TXNDC12: variants seen among roughly 807,000 people sequenced by gnomAD.
TXNDC12 encodes the protein thioredoxin domain containing 12, also known as thioredoxin domain-containing protein 12.
A neutral mutation model predicts 24.2 loss-of-function variants in TXNDC12; 22 were observed. The ratio of observed to expected loss-of-function variants is 0.91; its 90% CI spans 0.65 to 1.30. The LOEUF is 1.30. Among genes scored for constraint, TXNDC12 ranks in the 50% most tolerant of loss-of-function variants. The pLI, the probability that TXNDC12 is intolerant of heterozygous loss-of-function variation, is 0.00. For missense variants in TXNDC12, 184 were observed against 205.8 expected, an observed-to-expected ratio of 0.89 and a Z score of 0.65; for synonymous variants, 58 against 73.4, an observed-to-expected ratio of 0.79 and a Z score of 1.07.
intron 1 of TXNDC12, among the ~76,000 whole-genome samples, chr1:52,047,194 A>G (rs1686111564): frequency 6.6e-6 from 1 of 152,166 alleles, no homozygotes; most frequent in Admixed American, 6.5e-5. Context: ...TTTAGCACTC[A>G]AGTAGAGGGA....
chr1:52,021,079 A>T (rs1447168936), intron 6 of TXNDC12, 67 bp from the exon 7 acceptor site: 1 of 1,141,662 alleles, frequency 8.8e-7, no homozygotes, highest in Non-Finnish European at 1.3e-6. Context: ...CAACCAATGT[A>T]CACTTTTAAA....
chr1:52,055,250 G>A (rs1686316769), upstream of TXNDC12: 2 of 616,320 alleles, frequency 3.2e-6, no homozygotes, highest in Non-Finnish European at 5.9e-6. Flanking sequence ...TTAGACGGAT[G>A]TGGGTGGTGC....
intron 2 of TXNDC12, among the ~76,000 whole-genome samples, chr1:52,035,966 G>A (rs1325012832): frequency 2.6e-5 from 4 of 152,192 alleles, no homozygotes; most frequent in East Asian, 1.9e-4. Flanking sequence ...TAGAAAAAAC[G>A]GTGCCTTACT....
upstream of TXNDC12, chr1:52,055,311 G>C: frequency 1.9e-6 from 1 of 530,906 alleles, no homozygotes; most frequent in South Asian, 2.0e-5. Context: ...AGATCACGTA[G>C]AAGGGTACGA....
At chr1:52,053,636 C>T (rs1209936279) in intron 1 of TXNDC12, among the ~76,000 whole-genome samples, 1 of 152,116 alleles carries the variant, frequency 6.6e-6, no homozygotes, top group South Asian at 2.1e-4. Flanking sequence ...TGGACTCCAG[C>T]CCGAGCAACA....
chr1:52,055,033 T>C lies in TXNDC12; in HGVS notation c.64A>G (p.Ile22Val), dbSNP rs1392465941. The stretch of plus-strand genomic sequence containing the variant: ...AGCCCATTATGTCCATCAGAAGAGA[T>C]GACGAGGAGCAGGAAACTGAAGCCC... ...LLGFSFLLLV[I>V]SSDGHNGLGK... The change falls in exon 1 of 7, where the codon ATC (isoleucine) becomes GTC (valine). Residue 22 changes from isoleucine to valine, a missense_variant. Coordinates refer to ENST00000371626, the MANE Select transcript of TXNDC12 (RefSeq NM_015913.4). The C allele has an allele frequency of 1.5e-5, 24 of 1,613,838 alleles. No individual in the cohort carries two copies. Among genetic ancestry groups the C allele is most frequent in the East Asian group, 4.5e-5 (2 of 44,880 alleles).
chr1:52,054,443 C>G (rs1405340406), intron 1 of TXNDC12, among the ~76,000 whole-genome samples: 4 of 151,916 alleles, frequency 2.6e-5, no homozygotes, highest in African/African-American at 9.7e-5. Flanking sequence ...AAAAAAACTT[C>G]GCTGAACCAC....
At chr1:52,051,132 C>T (rs1276658564) in intron 1 of TXNDC12, among the ~76,000 whole-genome samples, 2 of 152,188 alleles carry the variant, frequency 1.3e-5, no homozygotes, top group African/African-American at 4.8e-5. Flanking sequence ...AAAATGCACA[C>T]AACAGCACCT....
At chr1:52,031,586 A>G (rs550419277) in intron 2 of TXNDC12, among the ~76,000 whole-genome samples, 50 of 144,970 alleles carry the variant, frequency 3.4e-4, no homozygotes, top group Middle Eastern at 4.5e-3. Flanking sequence ...TCCACCTCCC[A>G]GGTTCAAGCG....
chr1:52,042,550 T>A (rs1319688662), intron 1 of TXNDC12, among the ~76,000 whole-genome samples: 1 of 150,722 alleles, frequency 6.6e-6, no homozygotes, highest in Non-Finnish European at 1.5e-5. Flanking sequence ...AACCTCCACC[T>A]CCCAGGTTCA....
At position 52,032,798 on chromosome 1, in the gene TXNDC12, G is replaced by A. The variant is rs1685790923; in HGVS notation, c.159-4168C>T. 4 of 1,614,112 alleles carry A rather than the reference G, an allele frequency of 2.5e-6. No homozygotes were observed. The Admixed American group carries it at 5.0e-5, about 20-fold the overall frequency. On this transcript the variant is annotated intron_variant, in intron 2 of 6. Coordinates refer to ENST00000371626, the MANE Select transcript of TXNDC12 (RefSeq NM_015913.4). ...TTAGTGTACGAAATAAACTGGCGAC[G>A]AAGGCGACTCAGTTCTGCCATGGTC...
Position 52,033,455 on chromosome 1 carries a change from A to C in TXNDC12, c.159-4825T>G, listed in dbSNP as rs755857517. On this transcript the variant is annotated intron_variant, in intron 2 of 6. Transcript: ENST00000371626. ...CCGGGCCGTACGCAGTAGACCAGGC[A>C]GAGCGGGGTGCGCGCCGCCCGTGCC... 48 of 1,612,990 alleles carry C rather than the reference A, an allele frequency of 3.0e-5. No individual in the cohort carries two copies. Among genetic ancestry groups the C allele is most frequent in the Non-Finnish European group, 3.7e-5 (44 of 1,179,522 alleles).
chr1:52,031,110 C>T (rs1423654676), intron 2 of TXNDC12, among the ~76,000 whole-genome samples: 1 of 151,924 alleles, frequency 6.6e-6, no homozygotes, highest in South Asian at 2.1e-4. Context: ...GTTTCCAAAG[C>T]ATTTTGTCTT....
At chr1:52,033,463 G>A (rs780002153) in intron 2 of TXNDC12, 1 of 1,613,170 alleles carries the variant, frequency 6.2e-7, no homozygotes, top group Non-Finnish European at 8.5e-7. Flanking sequence ...GCAGAGCGGG[G>A]TGCGCGCCGC....
chr1:52,023,464 TCCTC>T, intron 6 of TXNDC12, 23 bp downstream of exon 6: 1 of 1,580,942 alleles, frequency 6.3e-7, no homozygotes, highest in South Asian at 1.1e-5. Context: ...CTAGCAATAA[TCCTC>T]CCTCCCTTCA....
chr1:52,052,109 C>T lies in TXNDC12; in HGVS notation c.97+2891G>A, dbSNP rs1222277830. 3.9e-5 allele frequency among the ~76,000 whole-genome samples: 6 copies of T among 152,320 alleles called. No homozygotes were observed. In the East Asian group the frequency reaches 1.2e-3, roughly 29 times the overall value. ...CTGCCCTAAGCTGCCCTTCTATGTG[C>T]TCCTGCAGCTACCTGGTATTTCTCT... On this transcript the variant is annotated intron_variant, in intron 1 of 6. Transcript: ENST00000371626.
rs1685836665 is a variant in TXNDC12 at position 52,034,014 on chromosome 1, T to C, written c.159-5384A>G. 2.2e-6 allele frequency: 3 copies of C among 1,386,292 alleles called. No individual in the cohort carries two copies. In the African/African-American group the frequency reaches 4.3e-5, roughly 20 times the overall value. 85.9% of individuals were successfully genotyped at this position (1,386,292 alleles called of 1,614,324 possible). A position where few individuals can be genotyped will look rare whatever the true frequency, so the allele number is the denominator to read the frequency against. On this transcript the variant is annotated intron_variant, in intron 2 of 6. Coordinates refer to ENST00000371626, the MANE Select transcript of TXNDC12 (RefSeq NM_015913.4). ...AGGCCTCAGGAGAATGTGATCTTCC[T>C]GCAGCGAAAGACTGCCCGTCCATTT... is the stretch of plus-strand genomic sequence containing the variant.
chr1:52,037,636 G>C (rs1239695103), intron 2 of TXNDC12, among the ~76,000 whole-genome samples: 1 of 152,214 alleles, frequency 6.6e-6, no homozygotes, highest in Non-Finnish European at 1.5e-5. Flanking sequence ...CCTGACTTCA[G>C]GGACAAAGCA....
chr1:52,030,026 G>C (rs1313746505), intron 2 of TXNDC12, among the ~76,000 whole-genome samples: 2 of 152,098 alleles, frequency 1.3e-5, no homozygotes, highest in Admixed American at 1.3e-4. Flanking sequence ...TCTCACAATA[G>C]AAATGAGAAA....
Sources: gnomAD v4.1 joint callset for allele counts (sites outside exome capture counted in the v4.1 genomes callset) on GRCh38, gnomAD v4.1.1 for gene constraint, MANE v1.5 for transcripts, NCBI Gene and HGNC (gene_info 2026-07-23, HGNC 2026-07-21) for gene names.